Variants in EEFSEC observed in about 807,000 individuals in gnomAD.
The protein encoded by EEFSEC is selenocysteine-specific elongation factor.
Under a neutral mutation model 42.1 loss-of-function variants are expected in EEFSEC, and 43 were observed. The ratio of observed to expected loss-of-function variants is 1.02; its 90% CI spans 0.80 to 1.32. The LOEUF is 1.32. EEFSEC is among the 40% of genes most tolerant of loss of function. The pLI is 0.00. For synonymous variants in EEFSEC, 354 were observed against 339.1 expected (o/e 1.04, Z -0.48); for missense variants, 745 against 803.6 (o/e 0.93, Z 0.88).
At chr3:128,336,350 T>C (rs572864963) in intron 4 of EEFSEC, among the ~76,000 whole-genome samples, 5 of 152,300 alleles carry the variant, frequency 3.3e-5, no homozygotes, top group Admixed American at 2.6e-4. Context: ...CCTTTCTTAC[T>C]TCTCTACCTC....
At chr3:128,424,146 G>C in the EEFSEC span, among the ~76,000 whole-genome samples, 2 of 152,126 alleles carry the variant, frequency 1.3e-5, no homozygotes, top group Non-Finnish European at 2.9e-5. Flanking sequence ...GTCACCTCTG[G>C]CAGGCTGCAG....
chr3:128,227,510 C>T (rs1013335982), intron 1 of EEFSEC, among the ~76,000 whole-genome samples: 7 of 152,162 alleles, frequency 4.6e-5, no homozygotes, highest in African/African-American at 1.7e-4. Flanking sequence ...AATGTCCTGC[C>T]TTGGTTTCTT....
At chr3:128,265,800 A>G (rs931130058) in intron 4 of EEFSEC, among the ~76,000 whole-genome samples, 2 of 152,244 alleles carry the variant, frequency 1.3e-5, no homozygotes, top group Admixed American at 1.3e-4. Context: ...AACAGAACCA[A>G]TGGGAGATAC....
At chr3:128,331,157 G>A (rs1469485132) in intron 4 of EEFSEC, among the ~76,000 whole-genome samples, 1 of 21,700 alleles carries the variant, frequency 4.6e-5, no homozygotes, top group African/African-American at 2.3e-4. Flanking sequence ...CCCTTCCTCA[G>A]TGCATCTCCC....
intron 6 of EEFSEC, among the ~76,000 whole-genome samples, chr3:128,363,588 C>A (rs543327533): frequency 6.6e-6 from 1 of 152,308 alleles, no homozygotes; most frequent in African/African-American, 2.4e-5. Flanking sequence ...CACTTCTGCT[C>A]ACCTCTGAAG....
At chr3:128,395,488 T>G (rs550049259) in intron 6 of EEFSEC, among the ~76,000 whole-genome samples, 1 of 152,208 alleles carries the variant, frequency 6.6e-6, no homozygotes, top group East Asian at 1.9e-4. Context: ...TCCCAGGGCT[T>G]TTCACTGCTG....
In EEFSEC at chr3:128,264,756, A is replaced by G; in HGVS notation, c.761A>G (p.Asp254Gly). The G allele has an allele frequency of 3.1e-6, 5 of 1,614,024 alleles. No individual in the cohort carries two copies. The highest frequency in any genetic ancestry group is 4.2e-6 in the Non-Finnish European group (5 of 1,179,962). ...TILSGSISLGDSVEIPALKVV... is the reference protein window; with the variant it reads ...TILSGSISLGGSVEIPALKVV... ...CTTTCAGGCTCCATCAGCCTCGGTG[A>G]CAGTGTGGAGATCCCTGCCCTCAAG... The change falls in exon 4 of 7, where the codon GAC (aspartate) becomes GGC (glycine). Residue 254 changes from aspartate to glycine, a missense_variant. Physicochemically the swap from Asp to Gly is moderately conservative, Grantham distance 94. Transcript: ENST00000254730.
At chr3:128,331,796 A>G (rs1049674197) in intron 4 of EEFSEC, among the ~76,000 whole-genome samples, 4 of 152,204 alleles carry the variant, frequency 2.6e-5, no homozygotes, top group African/African-American at 7.2e-5. Context: ...AAAGGCCTGC[A>G]GCCTCAGGTG....
In EEFSEC at chr3:128,408,068, G is replaced by A; in HGVS notation, c.1601-1G>A. 6.4e-7 allele frequency: 1 copy of A among 1,552,602 alleles called. No homozygotes were observed. Among genetic ancestry groups the A allele is most frequent in the Non-Finnish European group, 8.7e-7 (1 of 1,149,680 alleles). On this transcript the variant is annotated splice_acceptor_variant, in intron 6 of 6. Coordinates refer to ENST00000254730, the MANE Select transcript of EEFSEC (RefSeq NM_021937.5). LOFTEE classifies it high-confidence loss of function. ...GACAGGCTCTCTTCTGTGCCTTGCA[G>A]GTGGCCTCAGCCCCGAGTCCAAGAA...
At chr3:128,179,493 C>T (rs145025645) in intron 1 of EEFSEC, among the ~76,000 whole-genome samples, 5 of 152,220 alleles carry the variant, frequency 3.3e-5, no homozygotes, top group Non-Finnish European at 5.9e-5. Context: ...CTCATTGCCT[C>T]TATATCAGGG....
At chr3:128,360,696 G>T (rs1320772742) in intron 6 of EEFSEC, among the ~76,000 whole-genome samples, 11 of 151,192 alleles carry the variant, frequency 7.3e-5, no homozygotes, top group Admixed American at 2.0e-4. Context: ...AGGGTGCTGG[G>T]GTAGGAGTGG....
At chr3:128,208,884 A>G (rs903894094) in intron 1 of EEFSEC, among the ~76,000 whole-genome samples, 1 of 152,180 alleles carries the variant, frequency 6.6e-6, no homozygotes, top group African/African-American at 2.4e-5. Context: ...TTACCTTTGA[A>G]TTCCCATGAA....
chr3:128,424,529 A>G, the EEFSEC span, among the ~76,000 whole-genome samples: 13 of 151,966 alleles, frequency 8.6e-5, no homozygotes, highest in Admixed American at 3.3e-4. Flanking sequence ...CTACACAGGC[A>G]TGCACCATCA....
intron 4 of EEFSEC, among the ~76,000 whole-genome samples, chr3:128,265,626 G>T (rs1242926749): frequency 6.6e-6 from 1 of 152,216 alleles, no homozygotes; most frequent in Non-Finnish European, 1.5e-5. Flanking sequence ...ACAGTGCAGG[G>T]AAGTGGAGGT....
At chr3:128,365,263 A>G (rs1014120675) in intron 6 of EEFSEC, among the ~76,000 whole-genome samples, 3 of 152,224 alleles carry the variant, frequency 2.0e-5, no homozygotes, top group South Asian at 2.1e-4. Context: ...CTGGGCCAAC[A>G]CCCAGTGGGA....
chr3:128,288,182 A>T (rs2066606729), intron 4 of EEFSEC, among the ~76,000 whole-genome samples: 1 of 152,036 alleles, frequency 6.6e-6, no homozygotes. Context: ...TGCTTTTTTC[A>T]GTTATTTCAA....
chr3:128,196,039 T>A (rs2107809938), intron 1 of EEFSEC, among the ~76,000 whole-genome samples: 2 of 152,354 alleles, frequency 1.3e-5, no homozygotes, highest in Non-Finnish European at 2.9e-5. Flanking sequence ...CTTGTCCACG[T>A]GTGTGGGTCA....
intron 4 of EEFSEC, among the ~76,000 whole-genome samples, chr3:128,336,533 C>T (rs1027869248): frequency 3.3e-5 from 5 of 152,168 alleles, no homozygotes; most frequent in African/African-American, 1.2e-4. Context: ...CCTGGACCAC[C>T]GCACCTCAGC....
intron 1 of EEFSEC, among the ~76,000 whole-genome samples, chr3:128,203,645 A>C (rs2065664750): frequency 6.6e-6 from 1 of 152,234 alleles, no homozygotes; most frequent in Non-Finnish European, 1.5e-5. Context: ...TAGCCCTCAA[A>C]GCTGGTGGAC....
Sources: allele counts gnomAD v4.1 joint callset (sites outside exome capture counted in the v4.1 genomes callset), GRCh38; gene constraint gnomAD v4.1.1; transcripts MANE v1.5; gene names NCBI Gene and HGNC (gene_info 2026-07-23, HGNC 2026-07-21).